The following GRID2 variants were observed in gnomAD, a reference collection of about 807,000 sequenced individuals.
GRID2 encodes glutamate receptor ionotropic, delta-2.
GRID2 carries 33 observed loss-of-function variants against 114.8 expected under a neutral mutation model. The ratio of observed to expected loss-of-function variants is 0.29; its 90% confidence interval spans 0.22 to 0.38. The LOEUF (loss-of-function observed/expected upper bound fraction) is 0.38, where lower values mean the gene tolerates loss of function less well. Ranked by LOEUF, GRID2 falls within the 10% of genes least tolerant of loss-of-function variation. The probability of loss-of-function intolerance (pLI) is 1.00; values close to 1 mark genes in which losing one functional copy is unlikely to be tolerated. For synonymous variants in GRID2, 505 were observed against 449.9 expected (o/e 1.12, Z -1.55); for missense variants, 1,184 against 1,257.7 (o/e 0.94, Z 0.89).
At chr4:92,457,362 A>C (rs2149084353) in intron 1 of GRID2, among the ~76,000 whole-genome samples, 1 of 152,266 alleles carries the variant, frequency 6.6e-6, no homozygotes, top group East Asian at 1.9e-4. Context: ...ATTGTAAGGA[A>C]CTTGAAGGCA....
intron 4 of GRID2, among the ~76,000 whole-genome samples, chr4:93,114,112 C>A (rs537918781): frequency 6.6e-6 from 1 of 152,106 alleles, no homozygotes; most frequent in Admixed American, 6.6e-5. Flanking sequence ...GGGAAAGCAA[C>A]CAGTGATGAA....
intron 2 of GRID2, among the ~76,000 whole-genome samples, chr4:92,732,121 A>C (rs777203139): frequency 1.3e-5 from 2 of 152,034 alleles, no homozygotes; most frequent in Non-Finnish European, 2.9e-5. Context: ...AGCAATGTTT[A>C]GTATATTGTA....
At chr4:92,826,357 A>G (rs1741696854) in intron 2 of GRID2, among the ~76,000 whole-genome samples, 1 of 152,042 alleles carries the variant, frequency 6.6e-6, no homozygotes, top group East Asian at 1.9e-4. Flanking sequence ...CTTTTCCTGG[A>G]TGCACCATCT....
At chr4:93,084,948 T>C in intron 2 of GRID2, 47 bp from the exon 3 acceptor site, 1 of 1,509,492 alleles carries the variant, frequency 6.6e-7, no homozygotes, top group Non-Finnish European at 9.1e-7. Flanking sequence ...AAGGGAAAAC[T>C]ATGTGAAACC....
chr4:93,348,971 A>C (rs1760516268), intron 8 of GRID2, among the ~76,000 whole-genome samples: 1 of 152,060 alleles, frequency 6.6e-6, no homozygotes, highest in Admixed American at 6.6e-5. Flanking sequence ...CTATTTATTT[A>C]TTTATTTATT....
intron 4 of GRID2, among the ~76,000 whole-genome samples, chr4:93,134,531 T>A (rs1410727574): frequency 6.6e-6 from 1 of 152,170 alleles, no homozygotes; most frequent in Non-Finnish European, 1.5e-5. Flanking sequence ...TTGCTGGATA[T>A]CAAAATTCTG....
At chr4:92,953,933 T>C (rs1218889097) in intron 2 of GRID2, among the ~76,000 whole-genome samples, 1 of 152,148 alleles carries the variant, frequency 6.6e-6, no homozygotes, top group Non-Finnish European at 1.5e-5. Context: ...GAATAATTAT[T>C]AGAATTTTAT....
intron 2 of GRID2, among the ~76,000 whole-genome samples, chr4:92,707,046 G>A (rs561380231): frequency 3.9e-5 from 6 of 151,958 alleles, no homozygotes; most frequent in Admixed American, 6.6e-5. Flanking sequence ...AAATACTTAC[G>A]CTAGAATTAC....
intron 3 of GRID2, among the ~76,000 whole-genome samples, chr4:93,089,765 G>T (rs1730620039): frequency 6.6e-6 from 1 of 152,144 alleles, no homozygotes; most frequent in Non-Finnish European, 1.5e-5. Flanking sequence ...AAGTTAGCCT[G>T]CATCACTTTC....
intron 2 of GRID2, among the ~76,000 whole-genome samples, chr4:92,943,302 C>G (rs1751326291): frequency 6.6e-6 from 1 of 152,066 alleles, no homozygotes; most frequent in Admixed American, 6.6e-5. Context: ...CTTCTCTTCT[C>G]ACTTCATTTC....
Position 92,912,247 on chromosome 4 carries a change from G to C in GRID2, c.245-172748G>C, listed in dbSNP as rs892296424. ...GCTTTTAACTTCGTAAAAGAGAAGG[G>C]TATACTACACATGATGTTCATCTGT... On this transcript the variant is annotated intron_variant, in intron 2 of 15. Transcript: ENST00000282020. 1.3e-5 allele frequency among the ~76,000 whole-genome samples: 2 copies of C among 151,870 alleles called. 1 individual carries two copies. Among genetic ancestry groups the C allele is most frequent in the South Asian group, 4.1e-4 (2 of 4,822 alleles).
rs150232202 is a variant in GRID2 at position 93,261,096 on chromosome 4, A to G, written c.1245+22606A>G. Among the ~76,000 whole-genome samples, 1,194 of 151,948 alleles carry G rather than the reference A, an allele frequency of 7.9e-3. 14 individuals are homozygous for G. Among genetic ancestry groups the G allele is most frequent in the Non-Finnish European group, 0.013 (853 of 67,820 alleles). Reference sequence around the variant, plus strand: ...GATATAGTATACCTATAATGAATCAACAAACATAGATCTTTCTCCAACTTT... The same window carrying G: ...GATATAGTATACCTATAATGAATCAGCAAACATAGATCTTTCTCCAACTTT... On this transcript the variant is annotated intron_variant, in intron 8 of 15. Coordinates refer to ENST00000282020, the MANE Select transcript of GRID2 (RefSeq NM_001510.4).
intron 2 of GRID2, among the ~76,000 whole-genome samples, chr4:92,903,290 C>A (rs1747711876): frequency 6.6e-6 from 1 of 151,006 alleles, no homozygotes; most frequent in Non-Finnish European, 1.5e-5. Context: ...GCTGAAATAA[C>A]AATGTGAACT....
chr4:93,140,907 T>C (rs1441624729), intron 4 of GRID2, among the ~76,000 whole-genome samples: 1 of 152,286 alleles, frequency 6.6e-6, no homozygotes, highest in East Asian at 1.9e-4. Flanking sequence ...TGAGATGTCA[T>C]ATGTTTCAGT....
intron 2 of GRID2, among the ~76,000 whole-genome samples, chr4:92,933,630 A>T (rs964274688): frequency 6.6e-6 from 1 of 151,598 alleles, no homozygotes; most frequent in Non-Finnish European, 1.5e-5. Flanking sequence ...TTTTCTGTTT[A>T]TCACAAAGTT....
intron 2 of GRID2, among the ~76,000 whole-genome samples, chr4:92,748,636 T>TATTATTATC (rs1737276328): frequency 1.1e-5 from 1 of 89,388 alleles, no homozygotes; most frequent in Non-Finnish European, 2.3e-5. Context: ...TAAATTGTAT[T>TATTATTATC]ATTATTATTA....
rs116150345 is a variant in GRID2 at position 92,689,485 on chromosome 4, G to A, written c.244+99199G>A. Among the ~76,000 whole-genome samples the A allele has an allele frequency of 4.8e-3, 737 of 152,278 alleles. 8 individuals are homozygous for A. Among genetic ancestry groups the A allele is most frequent in the African/African-American group, 0.015 (631 of 41,564 alleles). On this transcript the variant is annotated intron_variant, in intron 2 of 15. Transcript: ENST00000282020. ...GACCACACAGCAGAAGGTGACTTGC[G>A]AGCAAGCATTACCATCTGAGCCCAG...
At chr4:92,537,193 TG>T (rs1272947802) in intron 1 of GRID2, among the ~76,000 whole-genome samples, 1 of 152,206 alleles carries the variant, frequency 6.6e-6, no homozygotes, top group African/African-American at 2.4e-5. Context: ...ACTCATTGTA[TG>T]TTGGAGATGA....
At chr4:93,615,639 C>CA (rs58667569) in intron 13 of GRID2, among the ~76,000 whole-genome samples, 6,817 of 117,308 alleles carry the variant, frequency 0.058, 252 homozygotes, top group African/African-American at 0.11. Flanking sequence ...GCCTTCACCC[C>CA]AAAAAAAAAA....
Sources: allele counts gnomAD v4.1 joint callset (sites outside exome capture counted in the v4.1 genomes callset), GRCh38; gene constraint gnomAD v4.1.1; transcripts MANE v1.5; gene names NCBI Gene and HGNC (gene_info 2026-07-23, HGNC 2026-07-21).